The following CELF5 variants were observed in gnomAD, a reference collection of about 807,000 sequenced individuals.
CELF5 encodes CUG-BP and ETR-3 like factor 5.
CELF5 carries 6 observed loss-of-function variants against 54.9 expected under a neutral mutation model. The observed-to-expected ratio is 0.11, with a 90% CI of 0.06 to 0.22. The LOEUF (loss-of-function observed/expected upper bound fraction) is 0.22. Ranked by LOEUF, CELF5 falls within the 10% of genes least tolerant of loss-of-function variation. The probability of loss-of-function intolerance (pLI) is 1.00; values close to 1 mark genes in which losing one functional copy is unlikely to be tolerated. For synonymous variants in CELF5, 271 were observed against 290.9 expected, an observed-to-expected ratio of 0.93 and a Z score of 0.70; for missense variants, 401 against 678.6, an observed-to-expected ratio of 0.59 and a Z score of 4.54.
At chr19:3,231,708 A>T (rs1489748095) in intron 1 of CELF5, among the ~76,000 whole-genome samples, 8 of 121,352 alleles carry the variant, frequency 6.6e-5, no homozygotes, top group South Asian at 3.1e-4. Flanking sequence ...GGATGGGCGG[A>T]TGAATAGATT....
intron 2 of CELF5, among the ~76,000 whole-genome samples, chr19:3,270,891 T>C (rs2079951302): frequency 6.6e-6 from 1 of 150,826 alleles, no homozygotes; most frequent in African/African-American, 2.4e-5. Context: ...GGTGGGGAGA[T>C]GGGGAGCAGG....
At chr19:3,267,989 T>TTTTTG (rs1295286232) in intron 2 of CELF5, among the ~76,000 whole-genome samples, 2 of 151,920 alleles carry the variant, frequency 1.3e-5, no homozygotes, top group Non-Finnish European at 2.9e-5. Context: ...TAGAAGTAGA[T>TTTTTG]TTTTGTTTTG....
At chr19:3,290,831 G>A (rs61648467) in intron 11 of CELF5, among the ~76,000 whole-genome samples, 1 of 151,010 alleles carries the variant, frequency 6.6e-6, no homozygotes, top group Admixed American at 6.6e-5. Context: ...CTCCCAAAGT[G>A]CTGGGATTAC....
intron 1 of CELF5, among the ~76,000 whole-genome samples, chr19:3,233,996 C>CCCT (rs749749911): frequency 2.6e-5 from 4 of 152,132 alleles, no homozygotes; most frequent in Non-Finnish European, 5.9e-5. Context: ...TGGAGCAGGC[C>CCCT]CCTCAGTGCC....
chr19:3,263,657 C>T (rs542936953), intron 2 of CELF5, among the ~76,000 whole-genome samples: 3 of 152,348 alleles, frequency 2.0e-5, no homozygotes, highest in Admixed American at 6.5e-5. Flanking sequence ...GTAATCCCCG[C>T]ACTTTGGGAG....
chr19:3,250,763 G>A (rs567384715), intron 1 of CELF5, among the ~76,000 whole-genome samples: 2 of 152,306 alleles, frequency 1.3e-5, no homozygotes, highest in East Asian at 1.9e-4. Context: ...TTCACTGAGA[G>A]TGACATTCTC....
At chr19:3,239,945 A>T (rs1490257710) in intron 1 of CELF5, among the ~76,000 whole-genome samples, 1 of 150,822 alleles carries the variant, frequency 6.6e-6, no homozygotes, top group Non-Finnish European at 1.5e-5. Context: ...TCAGTCCAGC[A>T]GTTCTTTGCC....
At chr19:3,279,239 G>A (rs2080108763) in intron 5 of CELF5, among the ~76,000 whole-genome samples, 1 of 152,124 alleles carries the variant, frequency 6.6e-6, no homozygotes, top group Non-Finnish European at 1.5e-5. Context: ...GGTTGAGGGA[G>A]GGGTGGGGAT....
At chr19:3,271,207 G>A (rs1334273804) in intron 2 of CELF5, among the ~76,000 whole-genome samples, 5 of 150,214 alleles carry the variant, frequency 3.3e-5, no homozygotes, top group Admixed American at 2.6e-4. Context: ...GGGGTGGGGG[G>A]AGCAGGAGTC....
intron 9 of CELF5, 81 bp from the exon 10 acceptor site, chr19:3,285,860 GC>G: frequency 7.2e-6 from 1 of 139,122 alleles, no homozygotes; most frequent in Non-Finnish European, 1.1e-5. Context: ...TTATGGCCCC[GC>G]CCCCTCCCCG....
At position 3,282,099 on chromosome 19, in the gene CELF5, C is replaced by A. The variant is rs781718266; in HGVS notation, c.751-27C>A. On this transcript the variant is annotated intron_variant, in intron 6 of 12. Transcript: ENST00000292672. This position sits in a 1 kb window ranked among gnomAD's most constrained non-coding sequence, Gnocchi z 5.2. Reference sequence around the variant, plus strand: ...CCATGATCTCAGGGCAGATATCACCCCAACTGTGACATGTCTTCACCCCCA... The same window carrying A: ...CCATGATCTCAGGGCAGATATCACCACAACTGTGACATGTCTTCACCCCCA... The A allele has an allele frequency of 1.1e-5, 18 of 1,613,654 alleles. No homozygotes were observed. The South Asian group carries it at 2.0e-4, about 18-fold the overall frequency.
chr19:3,278,966 G>A lies in CELF5; in HGVS notation c.603+856G>A, dbSNP rs566966354. ...CCGCAATGCGAGGCTGAGAAGCCTG[G>A]ACTTTCTCCTAGGGCAGTGGGGAGC... On this transcript the variant is annotated intron_variant, in intron 5 of 12. Transcript: ENST00000292672. The surrounding 1 kb of genome is among the most constrained non-coding windows in gnomAD (Gnocchi z 4.5). Among the ~76,000 whole-genome samples the A allele has an allele frequency of 1.3e-3, 198 of 152,294 alleles. 3 individuals are homozygous for A. The highest frequency in any genetic ancestry group is 4.5e-3 in the African/African-American group (188 of 41,550).
intron 1 of CELF5, among the ~76,000 whole-genome samples, chr19:3,241,243 T>A (rs1448273714): frequency 7.0e-6 from 1 of 142,188 alleles, no homozygotes; most frequent in East Asian, 2.0e-4. Context: ...GCCCAGCTAA[T>A]TTTTTTTTTT....
chr19:3,274,032 TG>T, intron 3 of CELF5, 109 bp downstream of exon 3: 2 of 1,144,504 alleles, frequency 1.7e-6, no homozygotes, highest in Non-Finnish European at 2.6e-6. Flanking sequence ...CCGAGGCCTG[TG>T]GATCTGGAAC....
chr19:3,296,455 AAGAAAAGAAAAAAGAAAAAAAAAT>A, intron 12 of CELF5: 1 of 143,262 alleles, frequency 7.0e-6, no homozygotes, highest in Admixed American at 7.1e-5. Flanking sequence ...AAAAAAAAAA[AAGAAAAGAAAAAAGAAAAAAAAAT>A]AGAAAAGAAA....
intron 2 of CELF5, among the ~76,000 whole-genome samples, chr19:3,259,477 GA>G: frequency 6.6e-6 from 1 of 151,708 alleles, no homozygotes; most frequent in Non-Finnish European, 1.5e-5. Context: ...TTACTTTGGG[GA>G]AAAAGTTGAA....
At chr19:3,257,512 GT>G (rs2079745043) in intron 2 of CELF5, among the ~76,000 whole-genome samples, 1 of 151,830 alleles carries the variant, frequency 6.6e-6, no homozygotes, top group Admixed American at 6.6e-5. Flanking sequence ...TTTCACTCTT[GT>G]TGCCCAGGCT....
intron 4 of CELF5, among the ~76,000 whole-genome samples, chr19:3,277,750 T>A (rs1329945654): frequency 6.6e-6 from 1 of 152,158 alleles, no homozygotes; most frequent in Non-Finnish European, 1.5e-5. Context: ...TGTGTGTGGC[T>A]GTCTGTCTGC....
At chr19:3,286,748 A>AT (rs1284144301) in intron 10 of CELF5, 1 of 150,550 alleles carries the variant, frequency 6.6e-6, no homozygotes, top group Admixed American at 6.6e-5. Flanking sequence ...AAAAAAAAAA[A>AT]AAAAGGCCGG....
Sources: gnomAD v4.1 joint callset for allele counts (sites outside exome capture counted in the v4.1 genomes callset) on GRCh38, gnomAD v4.1.1 for gene constraint, Gnocchi (gnomAD v3.1) non-coding constraint, MANE v1.5 for transcripts, NCBI Gene and HGNC (gene_info 2026-07-23, HGNC 2026-07-21) for gene names.